Variants in ZBTB7C observed in about 807,000 individuals in gnomAD.
ZBTB7C encodes zinc finger and BTB domain containing 7C, also known as zinc finger and BTB domain-containing protein 7C.
ZBTB7C carries 8 observed loss-of-function variants against 25.7 expected under a neutral mutation model. The ratio of observed to expected loss-of-function variants is 0.31; its 90% CI spans 0.18 to 0.56. The LOEUF (loss-of-function observed/expected upper bound fraction) is 0.56, where lower values mean the gene tolerates loss of function less well. Ranked by LOEUF, ZBTB7C falls within the 20% of genes least tolerant of loss-of-function variation. The pLI is 0.91. For synonymous variants in ZBTB7C, 394 were observed against 369.0 expected (o/e 1.07, Z -0.78); for missense variants, 824 against 855.2 (o/e 0.96, Z 0.46).
At chr18:48,109,649 G>T (rs1018538239) in intron 3 of ZBTB7C, among the ~76,000 whole-genome samples, 1 of 152,150 alleles carries the variant, frequency 6.6e-6, no homozygotes, top group Non-Finnish European at 1.5e-5. Flanking sequence ...GTAAGACAAG[G>T]GGGAGGAAAG....
rs576777045 is a variant in ZBTB7C, at chr18:48,214,995, C to T, written c.-78-29000G>A. ...ATATGGTCTCCAACCTTATTTTTAGCCATCTTGTTGCATATATGTGTTTAT... is the reference window on the plus strand; with the variant it reads ...ATATGGTCTCCAACCTTATTTTTAGTCATCTTGTTGCATATATGTGTTTAT... On this transcript the variant is annotated intron_variant, in intron 2 of 4. Coordinates refer to ENST00000590800, the MANE Select transcript of ZBTB7C (RefSeq NM_001318841.2). Among the ~76,000 whole-genome samples the T allele has an allele frequency of 7.9e-5, 12 of 152,266 alleles. No individual in the cohort carries two copies. In the South Asian group the frequency reaches 2.5e-3, roughly 32 times the overall value.
chr18:48,400,922 T>C (rs935294055), intron 1 of ZBTB7C, among the ~76,000 whole-genome samples: 2 of 152,246 alleles, frequency 1.3e-5, no homozygotes, highest in Non-Finnish European at 2.9e-5. Context: ...CCCATCTTTG[T>C]GTGGCCAGAC....
At chr18:48,193,843 C>G (rs2042256545) in intron 2 of ZBTB7C, among the ~76,000 whole-genome samples, 2 of 152,238 alleles carry the variant, frequency 1.3e-5, no homozygotes, top group African/African-American at 2.4e-5. Context: ...GGGGGTGCCT[C>G]TGGGAAGCCC....
At chr18:48,274,508 A>T (rs2044587794) in intron 2 of ZBTB7C, among the ~76,000 whole-genome samples, 1 of 152,142 alleles carries the variant, frequency 6.6e-6, no homozygotes, top group African/African-American at 2.4e-5. Flanking sequence ...CAGCACTGCC[A>T]AAGCTAAGCT....
At chr18:48,284,163 G>A (rs1598777358) in intron 2 of ZBTB7C, among the ~76,000 whole-genome samples, 1 of 152,124 alleles carries the variant, frequency 6.6e-6, no homozygotes. Context: ...ACAAAGGGAA[G>A]AACAAAAGGG....
At chr18:48,141,118 A>C in intron 3 of ZBTB7C, among the ~76,000 whole-genome samples, 1 of 150,332 alleles carries the variant, frequency 6.7e-6, no homozygotes, top group African/African-American at 2.5e-5. Context: ...CCCATACTGC[A>C]ATCACAGATA....
At chr18:48,135,262 CTGAT>C (rs1179755849) in intron 3 of ZBTB7C, among the ~76,000 whole-genome samples, 1 of 152,092 alleles carries the variant, frequency 6.6e-6, no homozygotes, top group African/African-American at 2.4e-5. Flanking sequence ...GAATAAATGA[CTGAT>C]TGTTTAAAAA....
At position 48,110,271 on chromosome 18, in the gene ZBTB7C, C is replaced by T. The variant is rs950939388; in HGVS notation, c.-16-69148G>A. 9.2e-5 allele frequency among the ~76,000 whole-genome samples: 14 copies of T among 152,240 alleles called. No homozygotes were observed. In the East Asian group the frequency reaches 9.7e-4, roughly 11 times the overall value. ...GGTGGCACACCCTCAGTAAGGACGC[C>T]GTGCCACTCCCTGACCACATCTGTG... is the stretch of plus-strand genomic sequence containing the variant. On this transcript the variant is annotated intron_variant, in intron 3 of 4. Coordinates refer to ENST00000590800, the MANE Select transcript of ZBTB7C (RefSeq NM_001318841.2).
intron 3 of ZBTB7C, among the ~76,000 whole-genome samples, chr18:48,159,031 C>T (rs186209681): frequency 1.3e-5 from 2 of 152,298 alleles, no homozygotes; most frequent in East Asian, 3.9e-4. Flanking sequence ...TTCCATCTTC[C>T]TCAGCCCCTT....
chr18:48,369,876 A>C (rs573588629), intron 1 of ZBTB7C, among the ~76,000 whole-genome samples: 1 of 152,330 alleles, frequency 6.6e-6, no homozygotes, highest in East Asian at 1.9e-4. Context: ...TAACCCAACA[A>C]CACCATCAAC....
chr18:48,087,927 T>G (rs2038256842), intron 3 of ZBTB7C: 1 of 152,194 alleles, frequency 6.6e-6, no homozygotes, highest in Non-Finnish European at 1.5e-5. Flanking sequence ...AACCTCATTC[T>G]TTCCTTTCAC....
intron 2 of ZBTB7C, among the ~76,000 whole-genome samples, chr18:48,279,926 A>G (rs2044781903): frequency 6.6e-6 from 1 of 152,266 alleles, no homozygotes; most frequent in Non-Finnish European, 1.5e-5. Flanking sequence ...AGCAGATGCG[A>G]GTCATTCAAA....
At chr18:48,245,605 T>C (rs939243806) in intron 2 of ZBTB7C, among the ~76,000 whole-genome samples, 2 of 152,058 alleles carry the variant, frequency 1.3e-5, no homozygotes, top group African/African-American at 2.4e-5. Context: ...AGCATCTTTT[T>C]TTCATAAAGT....
At chr18:48,234,678 T>C (rs2043334070) in intron 2 of ZBTB7C, among the ~76,000 whole-genome samples, 1 of 152,212 alleles carries the variant, frequency 6.6e-6, no homozygotes. Context: ...GAATATGTAT[T>C]CTCAATTGGA....
At chr18:48,068,837 C>T (rs950803018) in intron 3 of ZBTB7C, among the ~76,000 whole-genome samples, 23 of 152,238 alleles carry the variant, frequency 1.5e-4, no homozygotes, top group Admixed American at 8.5e-4. Context: ...GCCCTTTTCA[C>T]CTTCACAATG....
At chr18:48,216,808 G>C (rs1453331675) in intron 2 of ZBTB7C, among the ~76,000 whole-genome samples, 2 of 152,054 alleles carry the variant, frequency 1.3e-5, no homozygotes, top group African/African-American at 2.4e-5. Context: ...CATTTGTTGT[G>C]GGTTGAACTG....
At chr18:48,138,468 C>T (rs1291645992) in intron 3 of ZBTB7C, among the ~76,000 whole-genome samples, 1 of 152,184 alleles carries the variant, frequency 6.6e-6, no homozygotes, top group African/African-American at 2.4e-5. Flanking sequence ...AAATACCCAC[C>T]GCTGCAGGCA....
intron 3 of ZBTB7C, among the ~76,000 whole-genome samples, chr18:48,129,215 G>A (rs980258260): frequency 1.3e-5 from 2 of 152,108 alleles, no homozygotes; most frequent in Admixed American, 6.6e-5. Flanking sequence ...CAAAAAAACT[G>A]CCAAAGGAGA....
At chr18:48,410,571 G>C (rs1225892811), upstream of ZBTB7C, 1 of 152,486 alleles carries the variant, frequency 6.6e-6, no homozygotes, top group Non-Finnish European at 1.5e-5. Flanking sequence ...GGAGGAGGAA[G>C]GGTCCTGGCC....
Sources: allele counts gnomAD v4.1 joint callset (sites outside exome capture counted in the v4.1 genomes callset), GRCh38; gene constraint gnomAD v4.1.1; transcripts MANE v1.5; gene names NCBI Gene and HGNC (gene_info 2026-07-23, HGNC 2026-07-21).